The following RS1 variants were observed in gnomAD, a reference collection of about 807,000 sequenced individuals.
The protein encoded by RS1 is retinoschisin 1.
Under a neutral mutation model 20.8 loss-of-function variants are expected in RS1, and 2 were observed. The observed-to-expected ratio is 0.10, with a 90% CI of 0.04 to 0.30. The LOEUF is 0.30. RS1 is among the 10% of genes least tolerant of loss of function. RS1 has a pLI of 1.00. For missense variants in RS1, 151 were observed against 189.8 expected, an observed-to-expected ratio of 0.80 and a Z score of 1.20; for synonymous variants, 70 against 75.8, an observed-to-expected ratio of 0.92 and a Z score of 0.40.
chrX:18,669,667 C>T (rs1428657467), intron 1 of RS1, among the ~76,000 whole-genome samples: 1 of 110,990 alleles, frequency 9.0e-6, no homozygotes. Flanking sequence ...CAGCCTTTGT[C>T]TTCAGGTTCC....
chrX:18,667,474 G>A (rs1469443736), intron 1 of RS1, among the ~76,000 whole-genome samples: 1 of 108,224 alleles, frequency 9.2e-6, no homozygotes, highest in African/African-American at 3.4e-5. Context: ...GAACCCAGGC[G>A]GGCGGAAGGT....
At chrX:18,670,419 G>A (rs1403574750) in intron 1 of RS1, among the ~76,000 whole-genome samples, 1 of 109,787 alleles carries the variant, frequency 9.1e-6, no homozygotes, top group Non-Finnish European at 1.9e-5. Flanking sequence ...TAGAGACGGG[G>A]TTTCACCAGG....
At chrX:18,648,524 TG>T (rs1174850841) in intron 3 of RS1, among the ~76,000 whole-genome samples, 2 of 111,027 alleles carry the variant, frequency 1.8e-5, no homozygotes, top group East Asian at 5.8e-4. Flanking sequence ...ATTACAGGTG[TG>T]AGCCATCACA....
chrX:18,655,638 G>A (rs1928199352), intron 3 of RS1, among the ~76,000 whole-genome samples: 1 of 112,001 alleles, frequency 8.9e-6, no homozygotes, highest in Non-Finnish European at 1.9e-5. Context: ...TCAACAGGTG[G>A]CTTCACAGCA....
chrX:18,641,958 G>A lies in RS1; in HGVS notation c.*46C>T, dbSNP rs760620810. The A allele has an allele frequency of 2.5e-6, 3 of 1,203,721 alleles. No homozygotes were observed. The highest frequency in any genetic ancestry group is 3.0e-5 in the East Asian group (1 of 33,779). ...TGTGTGAGGGGGTCCCCTACGGCCC[G>A]CTCTGTGCCAGTCACCCCCTGGCAG... On this transcript the variant is annotated 3_prime_UTR_variant, in exon 6 of 6. Transcript: ENST00000379984.
intron 1 of RS1, among the ~76,000 whole-genome samples, chrX:18,671,351 A>C (rs1928489087): frequency 8.9e-6 from 1 of 112,256 alleles, no homozygotes; most frequent in Admixed American, 9.5e-5. Flanking sequence ...TATTTCAAAG[A>C]TTGAGAGGGA....
intron 3 of RS1, among the ~76,000 whole-genome samples, chrX:18,656,317 C>T (rs143711680): frequency 0.011 from 1,277 of 111,807 alleles, 15 homozygotes; most frequent in African/African-American, 0.036. Context: ...TTCAATCAGT[C>T]TCATTCATCG....
chrX:18,662,304 A>T (rs1025294392), intron 1 of RS1, among the ~76,000 whole-genome samples: 42 of 112,474 alleles, frequency 3.7e-4, no homozygotes, highest in Admixed American at 1.0e-3. Context: ...ACGACTTTTT[A>T]AAAAAATTAT....
intron 3 of RS1, among the ~76,000 whole-genome samples, chrX:18,652,423 C>G (rs1299744554): frequency 8.9e-6 from 1 of 112,295 alleles, no homozygotes; most frequent in Non-Finnish European, 1.9e-5. Context: ...AATCCCAGCA[C>G]TTTGGGAGGC....
At chrX:18,644,895 G>A (rs1927717526) in intron 4 of RS1, among the ~76,000 whole-genome samples, 2 of 112,815 alleles carry the variant, frequency 1.8e-5, no homozygotes, top group African/African-American at 6.4e-5. Flanking sequence ...CTCAGAGTGT[G>A]GCTGAAATTG....
At position 18,650,547 on chromosome X, in the gene RS1, C is replaced by A. The variant is rs775114662; in HGVS notation, c.185-3215G>T. On this transcript the variant is annotated intron_variant, in intron 3 of 5. Coordinates refer to ENST00000379984, the MANE Select transcript of RS1 (RefSeq NM_000330.4). ...AGGCACTTCCATGTGCCCGACACTC[C>A]AGGTCCGAGGCACTGATGCTTTCAG... 1 of 1,212,283 alleles carries A rather than the reference C, an allele frequency of 8.2e-7. No individual in the cohort carries two copies. The highest frequency in any genetic ancestry group is 1.7e-5 in the African/African-American group (1 of 57,959).
chrX:18,665,972 C>T (rs1928399116), intron 1 of RS1, among the ~76,000 whole-genome samples: 1 of 110,102 alleles, frequency 9.1e-6, no homozygotes, highest in Admixed American at 9.8e-5. Flanking sequence ...TTTTTCTTGC[C>T]CACAGATTAT....
intron 1 of RS1, among the ~76,000 whole-genome samples, chrX:18,665,438 T>G (rs17247222): frequency 0.2 from 22,168 of 110,587 alleles, 2,147 homozygotes; most frequent in East Asian, 0.59. Flanking sequence ...CTCTCGGGAT[T>G]TATGTTTCTC....
At chrX:18,667,946 G>A (rs766487081) in intron 1 of RS1, among the ~76,000 whole-genome samples, 2 of 111,764 alleles carry the variant, frequency 1.8e-5, no homozygotes, top group East Asian at 2.8e-4. Flanking sequence ...CATGGCTGCT[G>A]CAGTCCCACA....
rs771655199 is a variant in RS1 at position 18,647,743 on chromosome X, T to C, written c.185-411A>G. 1.8e-4 allele frequency: 32 copies of C among 173,348 alleles called. No individual in the cohort carries two copies. In the East Asian group the frequency reaches 4.1e-3, roughly 22 times the overall value. The allele number at this position is 173,348 out of a possible 1,213,427, so 14.3% of individuals were successfully genotyped here. On this transcript the variant is annotated intron_variant, in intron 3 of 5. Transcript: ENST00000379984. ...TTAACACAGATTTAGCCATCCTGCC[T>C]CATGACGTCAGGTCTCTTGTTGTCC...
chrX:18,650,488 C>T, intron 3 of RS1: 1 of 1,212,056 alleles, frequency 8.3e-7, no homozygotes, highest in Non-Finnish European at 1.1e-6. Context: ...CGTCCAATCT[C>T]CAGTCCTGCT....
chrX:18,671,923 T>TA, intron 1 of RS1, 94 bp downstream of exon 1: 1 of 728,445 alleles, frequency 1.4e-6, no homozygotes, highest in Non-Finnish European at 2.2e-6. Flanking sequence ...TTAATAATAT[T>TA]TATATTATTC....
At chrX:18,651,321 TGAGA>T (rs1262247811) in intron 3 of RS1, among the ~76,000 whole-genome samples, 1 of 105,280 alleles carries the variant, frequency 9.5e-6, no homozygotes, top group East Asian at 3.0e-4. Flanking sequence ...GAGAGGGATG[TGAGA>T]GAGAAACTTG....
intron 3 of RS1, among the ~76,000 whole-genome samples, chrX:18,652,464 T>A (rs1472309547): frequency 2.7e-5 from 3 of 111,173 alleles, no homozygotes; most frequent in Non-Finnish European, 5.7e-5. Flanking sequence ...AGGTCAGGAG[T>A]TCGAGACCAG....
Sources: gnomAD v4.1 joint callset for allele counts (sites outside exome capture counted in the v4.1 genomes callset) on GRCh38, gnomAD v4.1.1 for gene constraint, MANE v1.5 for transcripts, NCBI Gene and HGNC (gene_info 2026-07-23, HGNC 2026-07-21) for gene names.